CTNND2: variants seen among roughly 807,000 people sequenced by gnomAD.
The protein encoded by CTNND2 is catenin delta-2.
CTNND2 carries 22 observed loss-of-function variants against 144.4 expected under a neutral mutation model. That is an observed-to-expected ratio of 0.15 (90% CI 0.11 to 0.22). The LOEUF (loss-of-function observed/expected upper bound fraction) is 0.22. Among genes scored for constraint, CTNND2 ranks in the 10% least tolerant of loss-of-function variants. The pLI is 1.00. For missense variants in CTNND2, 1,353 were observed against 1,618.8 expected, an observed-to-expected ratio of 0.84 and a Z score of 2.82; for synonymous variants, 751 against 695.6, an observed-to-expected ratio of 1.08 and a Z score of -1.25.
chr5:11,625,731 A>G lies in CTNND2; in HGVS notation c.175-60675T>C, dbSNP rs988425028. On this transcript the variant is annotated intron_variant, in intron 2 of 21. Transcript: ENST00000304623. ...CCTGTCTGATACAGGACTTGTCTCC[A>G]ATATACATGAAGAACTTTCATGACT... Among the ~76,000 whole-genome samples the G allele has an allele frequency of 5.9e-5, 9 of 152,166 alleles. No homozygotes were observed. The South Asian group carries it at 1.0e-3, about 18-fold the overall frequency.
At chr5:11,411,880 C>G (rs1175702769) in intron 4 of CTNND2, among the ~76,000 whole-genome samples, 155 bp downstream of exon 4, 2 of 152,158 alleles carry the variant, frequency 1.3e-5, no homozygotes, top group Non-Finnish European at 2.9e-5. Context: ...ATTTAACTCT[C>G]AATAAATTGT....
intron 3 of CTNND2, among the ~76,000 whole-genome samples, chr5:11,543,349 A>G (rs1190649568): frequency 6.6e-6 from 1 of 152,226 alleles, no homozygotes; most frequent in East Asian, 1.9e-4. Context: ...GAGACCCTGC[A>G]AGGCTTCAGG....
chr5:11,435,139 T>C (rs950991755), intron 3 of CTNND2, among the ~76,000 whole-genome samples: 1 of 151,162 alleles, frequency 6.6e-6, no homozygotes, highest in Non-Finnish European at 1.5e-5. Flanking sequence ...ATTTATTTAT[T>C]TATTTATTTA....
chr5:11,079,667 C>A (rs1749340033), intron 16 of CTNND2, among the ~76,000 whole-genome samples: 2 of 152,148 alleles, frequency 1.3e-5, no homozygotes, highest in African/African-American at 4.8e-5. Context: ...GATTCTTTTC[C>A]CCCCAAATAC....
intron 1 of CTNND2, among the ~76,000 whole-genome samples, chr5:11,803,191 G>GT (rs1561810728): frequency 6.6e-6 from 1 of 151,700 alleles, no homozygotes; most frequent in Non-Finnish European, 1.5e-5. Context: ...ATGGTGGCGC[G>GT]TGCCTGTAAT....
chr5:11,420,351 G>C (rs573789624), intron 3 of CTNND2, among the ~76,000 whole-genome samples: 174 of 152,162 alleles, frequency 1.1e-3, no homozygotes, highest in African/African-American at 3.8e-3. Context: ...CAAAAAACCT[G>C]ACATTTGATT....
intron 3 of CTNND2, among the ~76,000 whole-genome samples, chr5:11,412,574 C>G (rs757746979): frequency 6.6e-6 from 1 of 151,970 alleles, no homozygotes; most frequent in Non-Finnish European, 1.5e-5. Flanking sequence ...ACTTTACCAC[C>G]AACTAAATAC....
intron 3 of CTNND2, among the ~76,000 whole-genome samples, chr5:11,490,287 T>C (rs933742288): frequency 6.6e-6 from 1 of 152,208 alleles, no homozygotes; most frequent in African/African-American, 2.4e-5. Flanking sequence ...TTTTACATAC[T>C]AAAAACGTAA....
chr5:11,204,164 A>G (rs938024465), intron 10 of CTNND2, among the ~76,000 whole-genome samples: 5 of 152,230 alleles, frequency 3.3e-5, no homozygotes, highest in African/African-American at 1.2e-4. Context: ...CAGGGGAAAC[A>G]AAAGATGAAT....
chr5:10,973,713 C>T lies in CTNND2; in HGVS notation c.3418G>A (p.Val1140Ile). Residue 1140 changes from valine to isoleucine, a missense_variant and splice_region_variant, in exon 22 of 22, where the codon GTT (valine) becomes ATT (isoleucine). This residue lies in a region of CTNND2 where 459 missense variants were observed against 674.3 expected (regional missense o/e 0.68). Coordinates refer to ENST00000304623, the MANE Select transcript of CTNND2 (RefSeq NM_001332.4). The surrounding 1 kb of genome is among the most constrained non-coding windows in gnomAD (Gnocchi z 5.6). ...TCCTGTGGGACTGGCTGTGCTGAAA[C>T]CTAAACGGGAAAGAAGAGCCACACT... Reference protein sequence around the residue: ...APAEDIKHNQVSAQPVPQEPS... With the variant: ...APAEDIKHNQISAQPVPQEPS... The T allele has an allele frequency of 6.3e-7, 1 of 1,591,302 alleles. No individual in the cohort carries two copies.
chr5:11,764,772 T>G (rs1453954871), intron 1 of CTNND2, among the ~76,000 whole-genome samples: 1 of 152,180 alleles, frequency 6.6e-6, no homozygotes, highest in African/African-American at 2.4e-5. Flanking sequence ...ACCTTTTCTG[T>G]GGGCCAGCTA....
At chr5:11,312,169 G>A (rs431880) in intron 9 of CTNND2, among the ~76,000 whole-genome samples, 2 of 103,734 alleles carry the variant, frequency 1.9e-5, no homozygotes, top group Non-Finnish European at 3.7e-5. Context: ...CCCATACACC[G>A]TCATCCCCCA....
chr5:11,353,187 T>C lies in CTNND2; in HGVS notation c.1373-6560A>G, dbSNP rs141430108. Among the ~76,000 whole-genome samples the C allele has an allele frequency of 1.6e-3, 244 of 152,134 alleles. 1 individual carries two copies. The highest frequency in any genetic ancestry group is 5.8e-3 in the African/African-American group (239 of 41,514). ...GCCAACTACCATATTAGGGGCTTCT[T>C]CACATGATCTCATTTAATGCTCACA... On this transcript the variant is annotated intron_variant, in intron 8 of 21. Transcript: ENST00000304623.
At chr5:11,247,742 A>T (rs1219506618) in intron 9 of CTNND2, among the ~76,000 whole-genome samples, 2 of 152,222 alleles carry the variant, frequency 1.3e-5, no homozygotes, top group Non-Finnish European at 2.9e-5. Context: ...ATATTAACAA[A>T]TTTCTGCTTC....
chr5:11,380,714 G>A (rs1301641272), intron 7 of CTNND2, among the ~76,000 whole-genome samples: 2 of 152,128 alleles, frequency 1.3e-5, no homozygotes, highest in African/African-American at 4.8e-5. Context: ...TGACGTTTGT[G>A]GTCAGATTTT....
At chr5:11,829,805 G>C (rs960139622) in intron 1 of CTNND2, among the ~76,000 whole-genome samples, 1 of 152,212 alleles carries the variant, frequency 6.6e-6, no homozygotes, top group Non-Finnish European at 1.5e-5. Flanking sequence ...CAGAATGGTA[G>C]ATCCACTGAT....
At chr5:11,636,387 C>T (rs890132404) in intron 2 of CTNND2, among the ~76,000 whole-genome samples, 1 of 152,052 alleles carries the variant, frequency 6.6e-6, no homozygotes, top group African/African-American at 2.4e-5. Context: ...AAGAATACAG[C>T]GCTTTGTTAT....
chr5:11,219,670 T>G (rs1437669025), intron 10 of CTNND2, among the ~76,000 whole-genome samples: 1 of 152,134 alleles, frequency 6.6e-6, no homozygotes, highest in Non-Finnish European at 1.5e-5. Flanking sequence ...GGATGTGATG[T>G]TAGAGTCAGA....
rs558903127 is a variant in CTNND2, at chr5:11,679,127, T to G, written c.174+53009A>C. On this transcript the variant is annotated intron_variant, in intron 2 of 21. Coordinates refer to ENST00000304623, the MANE Select transcript of CTNND2 (RefSeq NM_001332.4). ...CGATGCCTATCCAGGAACCAATCAGTGTGATCAGGGAGATAAGATCCTAGA... is the reference window on the plus strand; with the variant it reads ...CGATGCCTATCCAGGAACCAATCAGGGTGATCAGGGAGATAAGATCCTAGA... 4.6e-5 allele frequency among the ~76,000 whole-genome samples: 7 copies of G among 151,858 alleles called. No homozygotes were observed. The East Asian group carries it at 1.4e-3, about 29-fold the overall frequency.
Sources: gnomAD v4.1 joint callset for allele counts (sites outside exome capture counted in the v4.1 genomes callset) on GRCh38, gnomAD v4.1.1 for gene constraint, gnomAD v4.1.1 regional missense constraint, Gnocchi (gnomAD v3.1) non-coding constraint, MANE v1.5 for transcripts, NCBI Gene and HGNC (gene_info 2026-07-23, HGNC 2026-07-21) for gene names.